RBMS1: variants seen among roughly 807,000 people sequenced by gnomAD.
The protein encoded by RBMS1 is RNA binding motif single stranded interacting protein 1.
In RBMS1, 17 loss-of-function variants were observed where a neutral mutation model predicts 62.3. That is an observed-to-expected ratio of 0.27 (90% CI 0.19 to 0.41). The LOEUF (loss-of-function observed/expected upper bound fraction) is 0.41, where lower values mean the gene tolerates loss of function less well. Ranked by LOEUF, RBMS1 falls within the 10% of genes least tolerant of loss-of-function variation. The pLI, the probability that RBMS1 is intolerant of heterozygous loss-of-function variation, is 1.00. For missense variants in RBMS1, 334 were observed against 504.5 expected, an observed-to-expected ratio of 0.66 and a Z score of 3.24; for synonymous variants, 172 against 170.0, an observed-to-expected ratio of 1.01 and a Z score of -0.09.
chr2:160,350,438 G>A (rs1692430891), intron 2 of RBMS1, among the ~76,000 whole-genome samples: 1 of 152,000 alleles, frequency 6.6e-6, no homozygotes, highest in Admixed American at 6.6e-5. Flanking sequence ...ATAACAATGA[G>A]GTACAAATGA....
intron 4 of RBMS1, among the ~76,000 whole-genome samples, chr2:160,311,247 T>TATAG (rs1445982009): frequency 4.2e-5 from 6 of 141,576 alleles, no homozygotes; most frequent in Non-Finnish European, 7.7e-5. Context: ...TATATATATA[T>TATAG]ATATATATAT....
intron 1 of RBMS1, among the ~76,000 whole-genome samples, chr2:160,446,514 C>T (rs1574069567): frequency 6.6e-6 from 1 of 152,130 alleles, no homozygotes; most frequent in East Asian, 1.9e-4. Context: ...TCTTTCTTTC[C>T]TCTTAGGCCA....
intron 1 of RBMS1, among the ~76,000 whole-genome samples, chr2:160,463,781 G>A (rs868326649): frequency 2.6e-5 from 4 of 151,998 alleles, no homozygotes; most frequent in South Asian, 2.1e-4. Flanking sequence ...GTGAAACTCC[G>A]TCTCAAAAAA....
chr2:160,339,559 A>T (rs993093219), intron 2 of RBMS1, among the ~76,000 whole-genome samples: 1 of 152,202 alleles, frequency 6.6e-6, no homozygotes, highest in East Asian at 1.9e-4. Flanking sequence ...AGTAAAACAC[A>T]AGAGTGTATT....
chr2:160,464,255 A>G (rs1684590739), intron 1 of RBMS1, among the ~76,000 whole-genome samples: 1 of 152,242 alleles, frequency 6.6e-6, no homozygotes, highest in Non-Finnish European at 1.5e-5. Flanking sequence ...TTACATCATC[A>G]AAAAGTAAAC....
At chr2:160,385,322 G>A (rs1199746349) in intron 1 of RBMS1, among the ~76,000 whole-genome samples, 1 of 151,938 alleles carries the variant, frequency 6.6e-6, no homozygotes, top group Non-Finnish European at 1.5e-5. Flanking sequence ...GATCCCCCTC[G>A]TCCTACTCAG....
intron 2 of RBMS1, among the ~76,000 whole-genome samples, chr2:160,332,765 CT>C (rs1691350073): frequency 6.6e-6 from 1 of 151,818 alleles, no homozygotes; most frequent in African/African-American, 2.4e-5. Context: ...CCTAGTGATA[CT>C]AGAAAATCAC....
chr2:160,482,144 C>G (rs138800078), intron 1 of RBMS1, among the ~76,000 whole-genome samples: 1 of 152,094 alleles, frequency 6.6e-6, no homozygotes, highest in African/African-American at 2.4e-5. Flanking sequence ...AAAGAACCAA[C>G]TGCACACATA....
Position 160,287,014 on chromosome 2 carries a change from G to A in RBMS1, c.711C>T (p.Tyr237=), listed in dbSNP as rs1314429633. The change falls in exon 7 of 14, where the codon TAC becomes TAT. Residue 237 remains tyrosine, a synonymous_variant. Coordinates refer to ENST00000348849, the MANE Select transcript of RBMS1 (RefSeq NM_016836.4). ...GQKKRQNPNK[Y]IPNGRPWHRE... is the part of the protein sequence containing the mutation. ...TATGCCATGGTCTTCCATTAGGGAT[G>A]TATTTGTTTGGGTTCTGTCTCTTTT... The A allele has an allele frequency of 6.2e-7, 1 of 1,612,462 alleles. No homozygotes were observed. Among genetic ancestry groups the A allele is most frequent in the South Asian group, 1.1e-5 (1 of 91,040 alleles).
At chr2:160,435,497 C>T (rs11688486) in intron 1 of RBMS1, among the ~76,000 whole-genome samples, 76,786 of 151,946 alleles carry the variant, frequency 0.51, 20,501 homozygotes, top group Admixed American at 0.63. Context: ...AATAAAGGAA[C>T]GATTATATAG....
At chr2:160,478,913 G>A (rs1685248435) in intron 1 of RBMS1, among the ~76,000 whole-genome samples, 1 of 152,230 alleles carries the variant, frequency 6.6e-6, no homozygotes, top group South Asian at 2.1e-4. Context: ...CCTGCCAAGT[G>A]TATTCAGATA....
At chr2:160,335,286 T>G (rs1289168098) in intron 2 of RBMS1, among the ~76,000 whole-genome samples, 1 of 152,120 alleles carries the variant, frequency 6.6e-6, no homozygotes, top group Non-Finnish European at 1.5e-5. Flanking sequence ...TGCAGGAACA[T>G]CAAGCTCCTA....
rs71006607 is a variant in RBMS1, at chr2:160,451,158, G to GAA, written c.75+42129_75+42130dup. Among the ~76,000 whole-genome samples, 25 of 128,086 alleles carry GAA rather than the reference G, an allele frequency of 2.0e-4. No homozygotes were observed. In the East Asian group the frequency reaches 2.0e-3, roughly 10 times the overall value. 84.0% of individuals were successfully genotyped at this position (128,086 alleles called of 152,430 possible). A position where few individuals can be genotyped will look rare whatever the true frequency, so the allele number is the denominator to read the frequency against. On this transcript the variant is annotated intron_variant, in intron 1 of 13. Coordinates refer to ENST00000348849, the MANE Select transcript of RBMS1 (RefSeq NM_016836.4). ...GGTGACAGAGCAAGACCATGCTTCA[G>GAA]AAAAAAAAAAATAAATAAATAAAAA...
intron 1 of RBMS1, among the ~76,000 whole-genome samples, chr2:160,449,609 A>C (rs1281184653): frequency 6.6e-6 from 1 of 152,128 alleles, no homozygotes; most frequent in Non-Finnish European, 1.5e-5. Flanking sequence ...TGCTTTGTTA[A>C]ACAGATGCTT....
chr2:160,351,317 A>C (rs939385421), intron 2 of RBMS1, among the ~76,000 whole-genome samples: 2 of 152,054 alleles, frequency 1.3e-5, no homozygotes, highest in Non-Finnish European at 2.9e-5. Context: ...CCTAGAACTT[A>C]AAGTATAATA....
chr2:160,442,728 G>A (rs1374459751), intron 1 of RBMS1, among the ~76,000 whole-genome samples: 1 of 152,170 alleles, frequency 6.6e-6, no homozygotes, highest in Admixed American at 6.5e-5. Flanking sequence ...GTTTCTAAGT[G>A]TAAAATATCC....
chr2:160,363,235 C>A (rs1693224405), intron 2 of RBMS1, among the ~76,000 whole-genome samples: 1 of 152,128 alleles, frequency 6.6e-6, no homozygotes. Context: ...CTTTTGTAGT[C>A]TGGGTGACAA....
chr2:160,411,920 GTTGT>G (rs1559522125), intron 1 of RBMS1, among the ~76,000 whole-genome samples: 1 of 152,176 alleles, frequency 6.6e-6, no homozygotes, highest in Non-Finnish European at 1.5e-5. Flanking sequence ...TCTTTCTAAG[GTTGT>G]GTATACTGCA....
intron 1 of RBMS1, among the ~76,000 whole-genome samples, chr2:160,439,010 C>T (rs1179007165): frequency 9.5e-5 from 13 of 136,454 alleles, no homozygotes; most frequent in Middle Eastern, 5.6e-3. Context: ...GCTGGCCAGG[C>T]GGGGGGCTGA....
Sources: gnomAD v4.1 joint callset for allele counts (sites outside exome capture counted in the v4.1 genomes callset) on GRCh38, gnomAD v4.1.1 for gene constraint, MANE v1.5 for transcripts, NCBI Gene and HGNC (gene_info 2026-07-23, HGNC 2026-07-21) for gene names.